The following HOMER1 variants were observed in gnomAD, a reference collection of about 807,000 sequenced individuals.
HOMER1 encodes the protein homer scaffold protein 1.
Under a neutral mutation model 48.9 loss-of-function variants are expected in HOMER1, and 3 were observed. The ratio of observed to expected loss-of-function variants is 0.06; its 90% confidence interval spans 0.03 to 0.16. The LOEUF is 0.16. Among genes scored for constraint, HOMER1 ranks in the 10% least tolerant of loss-of-function variants. HOMER1 has a pLI of 1.00. For synonymous variants in HOMER1, 134 were observed against 146.4 expected, an observed-to-expected ratio of 0.92 and a Z score of 0.61; for missense variants, 247 against 411.4, an observed-to-expected ratio of 0.60 and a Z score of 3.46.
intron 5 of HOMER1, among the ~76,000 whole-genome samples, chr5:79,406,906 G>A (rs990640767): frequency 1.4e-5 from 2 of 143,336 alleles, no homozygotes; most frequent in Non-Finnish European, 3.0e-5. Flanking sequence ...GGGACAAAGG[G>A]TCTACCCAAG....
At chr5:79,480,176 A>T (rs1206384853) in intron 1 of HOMER1, among the ~76,000 whole-genome samples, 2 of 152,200 alleles carry the variant, frequency 1.3e-5, no homozygotes, top group African/African-American at 4.8e-5. Flanking sequence ...AGGAAAAATT[A>T]AAAAAGAATA....
At chr5:79,492,394 G>C (rs1225013482) in intron 1 of HOMER1, among the ~76,000 whole-genome samples, 1 of 151,866 alleles carries the variant, frequency 6.6e-6, no homozygotes, top group East Asian at 1.9e-4. Flanking sequence ...TTCTGAAACT[G>C]TTTCCAAAAT....
intron 5 of HOMER1, among the ~76,000 whole-genome samples, chr5:79,407,426 T>C (rs181302025): frequency 6.6e-6 from 1 of 152,108 alleles, no homozygotes; most frequent in East Asian, 1.9e-4. Context: ...AAGATAGCAA[T>C]GTTAAAGGTG....
chr5:79,444,240 G>A (rs1362780939), intron 4 of HOMER1, among the ~76,000 whole-genome samples: 1 of 152,072 alleles, frequency 6.6e-6, no homozygotes, highest in East Asian at 1.9e-4. Flanking sequence ...ATTAGATATT[G>A]TCACCCAGGC....
Position 79,513,964 on chromosome 5 carries a change from T to A in HOMER1, c.-1190A>T, listed in dbSNP as rs60029191. 497 of 154,832 alleles carry A rather than the reference T, an allele frequency of 3.2e-3. 14 individuals carry two copies. In the East Asian group the frequency reaches 0.063, roughly 20 times the overall value. The allele number at this position is 154,832 out of a possible 1,614,324, so 9.6% of individuals were successfully genotyped here. A position where few individuals can be genotyped will look rare whatever the true frequency, so the allele number is the denominator to read the frequency against. On this transcript the variant is annotated 5_prime_UTR_variant, in exon 1 of 9. An upstream open reading frame in the 5' UTR loses its in-frame stop. Transcript: ENST00000334082. ...TTCCCCGGGCCCCGCCGCCGCCTCT[T>A]CACACTTCCATCAGCGCCCGCCTCC...
rs1481564146 is a variant in HOMER1, at chr5:79,439,000, G to T, written c.527+10C>A. Reference sequence around the variant, plus strand: ...TTTACTTAATCATAATTGCTGAATTGAATCTGTACCTATGTGAAAATGGCA... The same window carrying T: ...TTTACTTAATCATAATTGCTGAATTTAATCTGTACCTATGTGAAAATGGCA... On this transcript the variant is annotated intron_variant, in intron 5 of 8. Coordinates refer to ENST00000334082, the MANE Select transcript of HOMER1 (RefSeq NM_004272.5). 5 of 1,609,442 alleles carry T rather than the reference G, an allele frequency of 3.1e-6. No individual in the cohort carries two copies. The highest frequency in any genetic ancestry group is 4.2e-6 in the Non-Finnish European group (5 of 1,176,876).
intron 1 of HOMER1, among the ~76,000 whole-genome samples, chr5:79,509,576 G>A (rs1169363569): frequency 1.3e-5 from 2 of 152,098 alleles, no homozygotes; most frequent in Admixed American, 6.6e-5. Context: ...ATACATGAAT[G>A]CCTTAATTTT....
At chr5:79,425,035 A>T (rs949153522) in intron 5 of HOMER1, among the ~76,000 whole-genome samples, 9 of 151,844 alleles carry the variant, frequency 5.9e-5, no homozygotes, top group African/African-American at 2.2e-4. Context: ...ACTTCTTTTG[A>T]CTCTTCCATG....
intron 4 of HOMER1, among the ~76,000 whole-genome samples, chr5:79,441,853 T>TTG: frequency 6.6e-6 from 1 of 152,126 alleles, no homozygotes; most frequent in Non-Finnish European, 1.5e-5. Flanking sequence ...TTGCATATGC[T>TTG]AAAAATAGTA....
At chr5:79,407,130 C>T (rs977687834) in intron 5 of HOMER1, among the ~76,000 whole-genome samples, 1 of 152,112 alleles carries the variant, frequency 6.6e-6, no homozygotes, top group Non-Finnish European at 1.5e-5. Context: ...CTATAGCATA[C>T]TCATAGTAAC....
chr5:79,503,402 C>T (rs192880535), intron 1 of HOMER1, among the ~76,000 whole-genome samples: 9 of 151,630 alleles, frequency 5.9e-5, no homozygotes, highest in Middle Eastern at 6.9e-3. Flanking sequence ...TGGCAGCATG[C>T]GCCTGTAATC....
intron 1 of HOMER1, among the ~76,000 whole-genome samples, chr5:79,505,032 C>T (rs1277500447): frequency 6.6e-6 from 1 of 152,052 alleles, no homozygotes; most frequent in East Asian, 1.9e-4. Context: ...AATCCCAGCA[C>T]TTTGAAAGGC....
Position 79,484,999 on chromosome 5 carries a change from G to A in HOMER1, c.5+27771C>T, listed in dbSNP as rs563355612. On this transcript the variant is annotated intron_variant, in intron 1 of 8. Transcript: ENST00000334082. ...TATTATCTATACCTCACTTCCGAAA[G>A]TCTATTCTCTTTTCCCTGCCCAGTC... Among the ~76,000 whole-genome samples, 7 of 152,258 alleles carry A rather than the reference G, an allele frequency of 4.6e-5. No individual in the cohort carries two copies. In the South Asian group the frequency reaches 1.2e-3, roughly 27 times the overall value.
At chr5:79,467,252 G>A (rs905033883) in intron 1 of HOMER1, among the ~76,000 whole-genome samples, 38 of 151,890 alleles carry the variant, frequency 2.5e-4, no homozygotes, top group African/African-American at 3.4e-4. Flanking sequence ...TTAGCTGGGC[G>A]TGCTGGCAGG....
intron 5 of HOMER1, among the ~76,000 whole-genome samples, chr5:79,436,314 T>C (rs1486530687): frequency 6.6e-6 from 1 of 152,208 alleles, no homozygotes; most frequent in Non-Finnish European, 1.5e-5. Flanking sequence ...TATTTCCATA[T>C]AGGTCTCCTA....
chr5:79,436,766 C>CTTAA (rs1277633423), intron 5 of HOMER1, among the ~76,000 whole-genome samples: 1 of 152,162 alleles, frequency 6.6e-6, no homozygotes, highest in Non-Finnish European at 1.5e-5. Flanking sequence ...CTAGCATTAA[C>CTTAA]TTAAAATACT....
chr5:79,404,610 A>AC (rs1749616069), intron 5 of HOMER1, among the ~76,000 whole-genome samples: 1 of 152,184 alleles, frequency 6.6e-6, no homozygotes, highest in Non-Finnish European at 1.5e-5. Context: ...GGTGGCTACT[A>AC]CCCTGGACAG....
intron 1 of HOMER1, among the ~76,000 whole-genome samples, chr5:79,507,479 A>C (rs1305978036): frequency 1.3e-5 from 2 of 152,212 alleles, no homozygotes; most frequent in Non-Finnish European, 2.9e-5. Flanking sequence ...AAGGCATTAC[A>C]AATATGCAAC....
chr5:79,379,079 CATATAT>C (rs3082000), intron 8 of HOMER1, among the ~76,000 whole-genome samples: 1,218 of 55,150 alleles, frequency 0.022, 84 homozygotes, highest in African/African-American at 0.065. Flanking sequence ...ACCTTTTGTC[CATATAT>C]ATATATATAT....
Sources: gnomAD v4.1 joint callset for allele counts (sites outside exome capture counted in the v4.1 genomes callset) on GRCh38, gnomAD v4.1.1 for gene constraint, MANE v1.5 for transcripts, NCBI Gene and HGNC (gene_info 2026-07-23, HGNC 2026-07-21) for gene names.